Variants in RSPO2 observed in about 807,000 individuals in gnomAD.
RSPO2 encodes R-spondin-2.
A neutral mutation model predicts 30.9 loss-of-function variants in RSPO2; 14 were observed. The ratio of observed to expected loss-of-function variants is 0.45; its 90% confidence interval spans 0.30 to 0.71. The LOEUF (loss-of-function observed/expected upper bound fraction) is 0.71, where lower values mean the gene tolerates loss of function less well. Ranked by LOEUF, RSPO2 falls within the 30% of genes least tolerant of loss-of-function variation. The pLI, the probability that RSPO2 is intolerant of heterozygous loss-of-function variation, is 0.08. For synonymous variants in RSPO2, 107 were observed against 96.4 expected, an observed-to-expected ratio of 1.11 and a Z score of -0.64; for missense variants, 264 against 301.9, an observed-to-expected ratio of 0.87 and a Z score of 0.93.
At chr8:108,015,933 G>A (rs1156599521) in intron 2 of RSPO2, among the ~76,000 whole-genome samples, 1 of 152,152 alleles carries the variant, frequency 6.6e-6, no homozygotes, top group Non-Finnish European at 1.5e-5. Flanking sequence ...ACTTTTGAAG[G>A]TGAGGAAGAG....
chr8:108,037,196 A>G (rs1373773199), intron 2 of RSPO2, among the ~76,000 whole-genome samples: 1 of 152,210 alleles, frequency 6.6e-6, no homozygotes, highest in Non-Finnish European at 1.5e-5. Context: ...TGTGAATGCA[A>G]AGGAAAAGTT....
chr8:107,983,762 T>C (rs1282927370), intron 3 of RSPO2: 2 of 1,597,914 alleles, frequency 1.3e-6, no homozygotes, highest in East Asian at 4.5e-5. Context: ...AGGAGCTGGA[T>C]GTAGATGCTG....
intron 3 of RSPO2, among the ~76,000 whole-genome samples, chr8:107,967,314 T>C (rs1290251838): frequency 2.6e-5 from 4 of 152,328 alleles, no homozygotes; most frequent in African/African-American, 7.2e-5. Context: ...TTTCAAGTAC[T>C]ATTTAACATT....
At chr8:107,906,602 T>C (rs1024880614) in intron 5 of RSPO2, among the ~76,000 whole-genome samples, 1 of 151,910 alleles carries the variant, frequency 6.6e-6, no homozygotes, top group Non-Finnish European at 1.5e-5. Context: ...TAAAAACTAT[T>C]GGCCTAAACA....
chr8:108,020,297 T>C (rs1033468715), intron 2 of RSPO2, among the ~76,000 whole-genome samples: 5 of 152,178 alleles, frequency 3.3e-5, no homozygotes, highest in Non-Finnish European at 7.3e-5. Flanking sequence ...CTCCAGAACT[T>C]GGGCAACTCT....
intron 2 of RSPO2, among the ~76,000 whole-genome samples, chr8:108,057,768 T>C (rs181877192): frequency 1.1e-4 from 16 of 152,166 alleles, no homozygotes; most frequent in Non-Finnish European, 1.9e-4. Context: ...ACTTGCAATA[T>C]AACCAGTTTC....
intron 5 of RSPO2, among the ~76,000 whole-genome samples, chr8:107,955,840 C>T (rs992638296): frequency 6.6e-6 from 1 of 152,096 alleles, no homozygotes; most frequent in Admixed American, 6.5e-5. Context: ...TTAAGATTGG[C>T]TTCAACAGGA....
chr8:108,011,347 T>A (rs531627751), intron 2 of RSPO2, among the ~76,000 whole-genome samples: 58 of 152,156 alleles, frequency 3.8e-4, no homozygotes, highest in African/African-American at 1.3e-3. Flanking sequence ...TATATTTATA[T>A]TTTAAAAAAT....
At chr8:107,982,009 C>CAAAAAAAAAAAAAAAAAAAAA (rs372977834) in intron 3 of RSPO2, among the ~76,000 whole-genome samples, 1 of 55,374 alleles carries the variant, frequency 1.8e-5, no homozygotes, top group African/African-American at 8.0e-5. Context: ...ACAACAACAA[C>CAAAAAAAAAAAAAAAAAAAAA]AAAAAAAAAA....
chr8:108,003,277 GTATATA>G (rs59782097), intron 2 of RSPO2, among the ~76,000 whole-genome samples: 10 of 56,382 alleles, frequency 1.8e-4, no homozygotes, highest in South Asian at 1.2e-3. Context: ...GTGTGTGTGT[GTATATA>G]TATATATATA....
Position 108,082,675 on chromosome 8 carries a change from T to G in RSPO2, c.-37A>C. ...GGCGGGGGAGAGACGCCTCTCAAAGTCTAGGAACTGGAGGGTTCGCCCAAA... is the reference window on the plus strand; with the variant it reads ...GGCGGGGGAGAGACGCCTCTCAAAGGCTAGGAACTGGAGGGTTCGCCCAAA... On this transcript the variant is annotated 5_prime_UTR_variant, in exon 2 of 6. Transcript: ENST00000276659. The G allele has an allele frequency of 6.4e-7, 1 of 1,561,500 alleles. No individual in the cohort carries two copies. The highest frequency in any genetic ancestry group is 1.1e-5 in the South Asian group (1 of 89,714).
At chr8:108,038,142 T>G (rs945072397) in intron 2 of RSPO2, among the ~76,000 whole-genome samples, 12 of 152,200 alleles carry the variant, frequency 7.9e-5, no homozygotes, top group Non-Finnish European at 5.9e-5. Context: ...ACATTAGTGA[T>G]TCATGGGAGA....
intron 2 of RSPO2, among the ~76,000 whole-genome samples, chr8:108,074,487 A>G (rs567649610): frequency 6.6e-6 from 1 of 152,212 alleles, no homozygotes; most frequent in African/African-American, 2.4e-5. Context: ...ATATTCAAAA[A>G]TAATTTTAAA....
intron 2 of RSPO2, among the ~76,000 whole-genome samples, chr8:108,048,062 A>G (rs113545806): frequency 7.2e-5 from 11 of 152,090 alleles, no homozygotes; most frequent in African/African-American, 2.7e-4. Flanking sequence ...CGTGCTTCTT[A>G]GGTATTGCTA....
chr8:108,006,451 A>G (rs1013672754), intron 2 of RSPO2, among the ~76,000 whole-genome samples: 1 of 152,122 alleles, frequency 6.6e-6, no homozygotes, highest in Non-Finnish European at 1.5e-5. Flanking sequence ...TAGGAAGACT[A>G]TGGGGTTTTT....
rs960274730 is a variant in RSPO2 at position 108,022,933 on chromosome 8, C to A, written c.95-33689G>T. ...AGAACAAAACTGTCAAAAAAAAAAACAAAAAAAAAAACCACACACACACTC... is the reference window on the plus strand; with the variant it reads ...AGAACAAAACTGTCAAAAAAAAAAAAAAAAAAAAAAACCACACACACACTC... On this transcript the variant is annotated intron_variant, in intron 2 of 5. Transcript: ENST00000276659. Among the ~76,000 whole-genome samples, 1,205 of 130,250 alleles carry A rather than the reference C, an allele frequency of 9.3e-3. 22 individuals carry two copies. Among genetic ancestry groups the A allele is most frequent in the African/African-American group, 0.031 (1,063 of 34,784 alleles). The allele number at this position is 130,250 out of a possible 152,430, so 85.4% of individuals were successfully genotyped here.
chr8:107,983,064 G>A, intron 3 of RSPO2: 4 of 1,258,342 alleles, frequency 3.2e-6, no homozygotes, highest in Non-Finnish European at 2.2e-6. Context: ...TCCCCTCCAT[G>A]TTCCCTGGCA....
intron 5 of RSPO2, among the ~76,000 whole-genome samples, chr8:107,932,636 A>G (rs1812586393): frequency 6.6e-6 from 1 of 152,186 alleles, no homozygotes; most frequent in Non-Finnish European, 1.5e-5. Context: ...TTAAAAGAAA[A>G]AAGTTTATCT....
At chr8:107,923,054 C>T (rs1174858442) in intron 5 of RSPO2, among the ~76,000 whole-genome samples, 1 of 152,056 alleles carries the variant, frequency 6.6e-6, no homozygotes, top group Non-Finnish European at 1.5e-5. Flanking sequence ...AAAGCAATTA[C>T]AACAAAAGTA....
Sources: allele counts gnomAD v4.1 joint callset (sites outside exome capture counted in the v4.1 genomes callset), GRCh38; gene constraint gnomAD v4.1.1; transcripts MANE v1.5; gene names NCBI Gene and HGNC (gene_info 2026-07-23, HGNC 2026-07-21).